DDX25: variants seen among roughly 807,000 people sequenced by gnomAD.
DDX25 encodes ATP-dependent RNA helicase DDX25.
Under a neutral mutation model 64.6 loss-of-function variants are expected in DDX25, and 70 were observed. The ratio of observed to expected loss-of-function variants is 1.08; its 90% CI spans 0.89 to 1.32. DDX25 has a LOEUF of 1.32. Ranked by LOEUF, DDX25 falls within the 40% of genes most tolerant of loss-of-function variation. DDX25 has a pLI of 0.00. For synonymous variants in DDX25, 211 were observed against 213.3 expected (o/e 0.99, Z 0.09); for missense variants, 587 against 604.4 (o/e 0.97, Z 0.30).
intron 10 of DDX25, among the ~76,000 whole-genome samples, chr11:125,920,446 A>G (rs1945095852): frequency 6.6e-6 from 1 of 152,166 alleles, no homozygotes; most frequent in South Asian, 2.1e-4. Context: ...CAAAAAAAAA[A>G]AAGAAAAAAG....
chr11:125,914,973 T>G (rs908758150), intron 8 of DDX25, among the ~76,000 whole-genome samples: 1 of 152,084 alleles, frequency 6.6e-6, no homozygotes, highest in African/African-American at 2.4e-5. Flanking sequence ...GACCAAAAAA[T>G]GGTCATAAAC....
chr11:125,910,330 C>T lies in DDX25; in HGVS notation c.508-34C>T, dbSNP rs538637958. The T allele has an allele frequency of 7.6e-6, 12 of 1,582,464 alleles. No individual in the cohort carries two copies. The South Asian group carries it at 8.9e-5, about 12-fold the overall frequency. ...AAATTTGAAAGATGCCTGTAAGAACCTTTCTCCTCCCCTCTTCTCTCTCTA... is the reference window on the plus strand; with the variant it reads ...AAATTTGAAAGATGCCTGTAAGAACTTTTCTCCTCCCCTCTTCTCTCTCTA... On this transcript the variant is annotated intron_variant, in intron 6 of 11. Coordinates refer to ENST00000263576, the MANE Select transcript of DDX25 (RefSeq NM_013264.5).
Position 125,905,475 on chromosome 11 carries a change from A to G in DDX25, c.131-78A>G, listed in dbSNP as rs931978509. ...CAGTAGACACTGAAGAGTCAGGAAG[A>G]AAAAATTGAATAGCATGCTTTACAT... On this transcript the variant is annotated intron_variant, in intron 2 of 11. Coordinates refer to ENST00000263576, the MANE Select transcript of DDX25 (RefSeq NM_013264.5). 3 of 1,478,932 alleles carry G rather than the reference A, an allele frequency of 2.0e-6. No individual in the cohort carries two copies. The African/African-American group carries it at 4.2e-5, about 21-fold the overall frequency. 91.6% of individuals were successfully genotyped at this position (1,478,932 alleles called of 1,614,324 possible). A position where few individuals can be genotyped will look rare whatever the true frequency, so the allele number is the denominator to read the frequency against.
chr11:125,920,233 T>A (rs1945093282), intron 10 of DDX25, among the ~76,000 whole-genome samples: 1 of 152,060 alleles, frequency 6.6e-6, no homozygotes, highest in South Asian at 2.1e-4. Flanking sequence ...GGTCAGGAGT[T>A]CAAGACCAGC....
chr11:125,922,776 A>G lies in DDX25; in HGVS notation c.1391-44A>G, dbSNP rs756248586. 16 of 1,534,102 alleles carry G rather than the reference A, an allele frequency of 1.0e-5. 1 individual carries two copies. In the South Asian group the frequency reaches 1.9e-4, roughly 19 times the overall value. ...ATATGGATGGAATGAAGTTCCATTT[A>G]GACCCTGACATGAGACTAGTTCTGT... On this transcript the variant is annotated intron_variant, in intron 11 of 11. Coordinates refer to ENST00000263576, the MANE Select transcript of DDX25 (RefSeq NM_013264.5).
intron 4 of DDX25, among the ~76,000 whole-genome samples, chr11:125,906,642 A>G (rs190126730): frequency 2.1e-4 from 32 of 152,078 alleles, no homozygotes; most frequent in Non-Finnish European, 4.3e-4. Context: ...CCTGGCCGAC[A>G]TGGGAAAACC....
chr11:125,913,928 C>T (rs1945000419), intron 8 of DDX25, among the ~76,000 whole-genome samples: 1 of 152,030 alleles, frequency 6.6e-6, no homozygotes, highest in African/African-American at 2.4e-5. Flanking sequence ...TGTGTGTTTC[C>T]TTCCATTTGT....
chr11:125,907,010 T>C (rs1049487552), intron 4 of DDX25, among the ~76,000 whole-genome samples: 6 of 152,086 alleles, frequency 3.9e-5, no homozygotes, highest in African/African-American at 7.2e-5. Context: ...GACCCAGACA[T>C]CCTCCTTCAC....
chr11:125,907,396 C>T (rs998209882), intron 4 of DDX25, among the ~76,000 whole-genome samples: 12 of 152,102 alleles, frequency 7.9e-5, no homozygotes, highest in Admixed American at 3.3e-4. Context: ...ATCACGAGGT[C>T]AGGAGATCGA....
At chr11:125,906,357 T>G in intron 4 of DDX25, 148 bp downstream of exon 4, 1 of 1,076,152 alleles carries the variant, frequency 9.3e-7, no homozygotes, top group Non-Finnish European at 1.3e-6. Context: ...TCTCACTCTG[T>G]CCCCCAGGCT....
In DDX25 at chr11:125,918,704, T is replaced by C; in HGVS notation, c.1115T>C (p.Leu372Pro). ...GHQVSLLSGE[L>P]TVEQRASIIQ... ...CAGGTGTCTTTGTTAAGCGGGGAGC[T>C]GACCGTGGAGCAGCGAGCTTCCATC... The change falls in exon 10 of 12, where the codon CTG (leucine) becomes CCG (proline). Residue 372 changes from leucine to proline, a missense_variant. Leu to Pro is a moderately conservative substitution (Grantham distance 98, BLOSUM62 -3). Transcript: ENST00000263576. 6.2e-7 allele frequency: 1 copy of C among 1,613,924 alleles called. No individual in the cohort carries two copies. Among genetic ancestry groups the C allele is most frequent in the South Asian group, 1.1e-5 (1 of 91,034 alleles).
At chr11:125,908,370 T>C (rs1207217451) in intron 5 of DDX25, 31 bp from the exon 6 acceptor site, 1 of 1,613,714 alleles carries the variant, frequency 6.2e-7, no homozygotes, top group South Asian at 1.1e-5. Flanking sequence ...TTGTATTCAG[T>C]TTATGCCCAG....
chr11:125,925,808 C>T lies in DDX25; in HGVS notation c.*2927C>T. 1 of 188,166 alleles carries T rather than the reference C, an allele frequency of 5.3e-6. No individual in the cohort carries two copies. The allele number at this position is 188,166 out of a possible 1,614,324, so 11.7% of individuals were successfully genotyped here. Reference sequence around the variant, plus strand: ...AGGCAACCATTAATAATAGGAAAGGCAAATAAGTTGGTCATAGTCTGGTAG... The same window carrying T: ...AGGCAACCATTAATAATAGGAAAGGTAAATAAGTTGGTCATAGTCTGGTAG... On this transcript the variant is annotated 3_prime_UTR_variant, in exon 12 of 12. Transcript: ENST00000263576.
Position 125,928,258 on chromosome 11 carries a change from T to G in DDX25, c.*5377T>G, listed in dbSNP as rs1945184771. 6.6e-6 allele frequency: 1 copy of G among 152,242 alleles called. No homozygotes were observed. Among genetic ancestry groups the G allele is most frequent in the African/African-American group, 2.4e-5 (1 of 41,468 alleles). The allele number at this position is 152,242 out of a possible 1,614,324, so 9.4% of individuals were successfully genotyped here. ...AATTATAGTATTATATCTTTTTATT[T>G]GAAACATTCAAGTTTTTTTTCATGT... On this transcript the variant is annotated 3_prime_UTR_variant, in exon 12 of 12. Transcript: ENST00000263576.
At chr11:125,909,588 T>A (rs185839386) in intron 6 of DDX25, among the ~76,000 whole-genome samples, 64 of 151,942 alleles carry the variant, frequency 4.2e-4, no homozygotes, top group African/African-American at 1.5e-3. Context: ...TATTATGTAT[T>A]GTAAAGATAT....
At chr11:125,909,673 G>A (rs1944939944) in intron 6 of DDX25, among the ~76,000 whole-genome samples, 1 of 149,728 alleles carries the variant, frequency 6.7e-6, no homozygotes, top group Non-Finnish European at 1.5e-5. Context: ...TTTTGACATG[G>A]AGTCTCACCC....
chr11:125,911,290 T>C (rs761016616), intron 7 of DDX25, 21 bp from the exon 8 acceptor site: 8 of 1,598,614 alleles, frequency 5.0e-6, no homozygotes, highest in Middle Eastern at 1.7e-4. Context: ...GAAGGAGTGC[T>C]TAAAACCCTT....
chr11:125,911,473 G>A lies in DDX25; in HGVS notation c.785G>A (p.Ser262Asn). The A allele has an allele frequency of 6.2e-7, 1 of 1,613,824 alleles. No individual in the cohort carries two copies. The highest frequency in any genetic ancestry group is 8.5e-7 in the Non-Finnish European group (1 of 1,179,796). The change falls in exon 8 of 12, where the codon AGT becomes AAT. Residue 262 changes from serine (S) to asparagine (N), a missense_variant. By Grantham distance (46) the Ser-to-Asn change is conservative. Coordinates refer to ENST00000263576, the MANE Select transcript of DDX25 (RefSeq NM_013264.5). ...GACACTCAAGGATTCTCAGATCATA[G>A]TATTCGTATTCAAAGGTAATCTTCA... Reference protein sequence around the residue: ...MIDTQGFSDHSIRIQRALPSE... With the variant: ...MIDTQGFSDHNIRIQRALPSE...
In DDX25 at chr11:125,925,981, G is replaced by C. The variant is rs1465829521; in HGVS notation, c.*3100G>C. ...GTGGAAAATCTTAGAGGAGTGATGG[G>C]GGTGGTGGGTGGTGGGCAGTACCTT... On this transcript the variant is annotated 3_prime_UTR_variant, in exon 12 of 12. Coordinates refer to ENST00000263576, the MANE Select transcript of DDX25 (RefSeq NM_013264.5). The C allele has an allele frequency of 6.5e-6, 1 of 153,364 alleles. No individual in the cohort carries two copies. The highest frequency in any genetic ancestry group is 1.5e-5 in the Non-Finnish European group (1 of 68,884). 9.5% of individuals were successfully genotyped at this position (153,364 alleles called of 1,614,324 possible). A position where few individuals can be genotyped will look rare whatever the true frequency, so the allele number is the denominator to read the frequency against.
Sources: allele counts gnomAD v4.1 joint callset (sites outside exome capture counted in the v4.1 genomes callset), GRCh38; gene constraint gnomAD v4.1.1; transcripts MANE v1.5; gene names NCBI Gene and HGNC (gene_info 2026-07-23, HGNC 2026-07-21).